Variants in RSAD2 observed in about 807,000 individuals in gnomAD.
RSAD2 encodes radical S-adenosyl methionine domain containing 2.
In RSAD2, 38 loss-of-function variants were observed where a neutral mutation model predicts 37.7. The ratio of observed to expected loss-of-function variants is 1.01; its 90% CI spans 0.78 to 1.32. The LOEUF (loss-of-function observed/expected upper bound fraction) is 1.32, where lower values mean the gene tolerates loss of function less well. Ranked by LOEUF, RSAD2 falls within the 40% of genes most tolerant of loss-of-function variation. The pLI is 0.00. For missense variants in RSAD2, 428 were observed against 437.5 expected (o/e 0.98, Z 0.19); for synonymous variants, 163 against 157.4 (o/e 1.04, Z -0.27).
chr2:6,868,146 C>T (rs776349436), intron 1 of RSAD2, among the ~76,000 whole-genome samples: 24 of 152,192 alleles, frequency 1.6e-4, no homozygotes, highest in Middle Eastern at 3.4e-3. Flanking sequence ...ATCTTCAACA[C>T]TTACAGTATT....
chr2:6,895,210 C>T (rs1189545817), intron 5 of RSAD2, among the ~76,000 whole-genome samples: 1 of 152,224 alleles, frequency 6.6e-6, no homozygotes, highest in Non-Finnish European at 1.5e-5. Flanking sequence ...TGATCTGGCA[C>T]CTGCCATGGA....
chr2:6,887,025 A>G lies in RSAD2; in HGVS notation c.599A>G (p.His200Arg). The change falls in exon 3 of 6, where the codon CAT becomes CGT. Residue 200 changes from histidine (H) to arginine (R), a missense_variant. Coordinates refer to ENST00000382040, the MANE Select transcript of RSAD2 (RefSeq NM_080657.5). Reference sequence around the variant, plus strand: ...GGCCGTGGCCAAGGAAAGAAGAACCATGTGGAAAACCTTCAAAAGCTGAGG... The same window carrying G: ...GGCCGTGGCCAAGGAAAGAAGAACCGTGTGGAAAACCTTCAAAAGCTGAGG... Reference protein sequence around the residue: ...LIGRGQGKKNHVENLQKLRRW... With the variant: ...LIGRGQGKKNRVENLQKLRRW... 6.2e-7 allele frequency: 1 copy of G among 1,614,220 alleles called. No individual in the cohort carries two copies. The highest frequency in any genetic ancestry group is 8.5e-7 in the Non-Finnish European group (1 of 1,180,010).
rs1009086714 is a variant in RSAD2, at chr2:6,896,174, T to G, written c.*232T>G. The G allele has an allele frequency of 1.2e-5, 5 of 426,514 alleles. No individual in the cohort carries two copies. The highest frequency in any genetic ancestry group is 2.1e-5 in the Non-Finnish European group (5 of 238,928). 26.4% of individuals were successfully genotyped at this position (426,514 alleles called of 1,614,324 possible). Reference sequence around the variant, plus strand: ...TCATTGGCTTATAACCTTGTTGTTATTGAAACAGCACTTCTGTTTTTGAGT... The same window carrying G: ...TCATTGGCTTATAACCTTGTTGTTAGTGAAACAGCACTTCTGTTTTTGAGT... On this transcript the variant is annotated 3_prime_UTR_variant, in exon 6 of 6. Coordinates refer to ENST00000382040, the MANE Select transcript of RSAD2 (RefSeq NM_080657.5).
At chr2:6,888,400 G>T (rs1663564771) in intron 3 of RSAD2, among the ~76,000 whole-genome samples, 1 of 152,172 alleles carries the variant, frequency 6.6e-6, no homozygotes, top group South Asian at 2.1e-4. Context: ...GCTAAAGAGA[G>T]AGGTCTGATA....
rs758608955 is a variant in RSAD2 at position 6,887,174 on chromosome 2, CA to C, written c.738+12del. ...CCCTGTCCGCTGGAAAGTAAGTACACAAGGTCGCTTTTGCTGATTTCCTTCA... is the reference window on the plus strand; with the variant it reads ...CCCTGTCCGCTGGAAAGTAAGTACACAGGTCGCTTTTGCTGATTTCCTTCA... On this transcript the variant is annotated intron_variant, in intron 3 of 5. Coordinates refer to ENST00000382040, the MANE Select transcript of RSAD2 (RefSeq NM_080657.5). 6.2e-7 allele frequency: 1 copy of C among 1,601,014 alleles called. No individual in the cohort carries two copies. Among genetic ancestry groups the C allele is most frequent in the Non-Finnish European group, 8.6e-7 (1 of 1,169,176 alleles).
chr2:6,891,933 A>G (rs976920842), intron 4 of RSAD2, among the ~76,000 whole-genome samples: 1 of 152,200 alleles, frequency 6.6e-6, no homozygotes, highest in Non-Finnish European at 1.5e-5. Context: ...CTGATAATAT[A>G]ATAGTAGGTA....
chr2:6,878,948 A>G (rs6704746), intron 1 of RSAD2: 778,096 of 799,482 alleles, frequency 0.97, 381,557 homozygotes, highest in East Asian at 1. Context: ...GATGAATTTC[A>G]CAAAGCAATC....
exon 1 of RSAD2, chr2:6,865,953 G>C (rs1182424822): frequency 8.0e-7 from 1 of 1,250,982 alleles, no homozygotes. Flanking sequence ...TGGCCCCGGG[G>C]CCCCAGGTGC....
At chr2:6,882,826 G>C (rs1357769656) in intron 1 of RSAD2, among the ~76,000 whole-genome samples, 1 of 152,216 alleles carries the variant, frequency 6.6e-6, no homozygotes, top group African/African-American at 2.4e-5. Context: ...GAGTGAAAAT[G>C]ACTTCACCTA....
chr2:6,897,255 CATT>C lies in RSAD2; in HGVS notation c.*1314_*1316del, dbSNP rs1322373872. 6.6e-6 allele frequency: 1 copy of C among 152,098 alleles called. No homozygotes were observed. Among genetic ancestry groups the C allele is most frequent in the East Asian group, 1.9e-4 (1 of 5,198 alleles). 9.4% of individuals were successfully genotyped at this position (152,098 alleles called of 1,614,324 possible). On this transcript the variant is annotated 3_prime_UTR_variant, in exon 6 of 6. Coordinates refer to ENST00000382040, the MANE Select transcript of RSAD2 (RefSeq NM_080657.5). ...TATTGCCTAAAAAAAAATTTCTTAT[CATT>C]GTTTCAAAAAAGCAAAATCATGGAA...
intron 3 of RSAD2, among the ~76,000 whole-genome samples, chr2:6,889,129 A>G (rs930481742): frequency 8.5e-5 from 13 of 152,152 alleles, no homozygotes; most frequent in African/African-American, 2.9e-4. Context: ...AAGTCCCTGG[A>G]AAAAAATGCC....
intron 4 of RSAD2, among the ~76,000 whole-genome samples, chr2:6,891,599 C>T (rs901024214): frequency 6.6e-6 from 1 of 152,056 alleles, no homozygotes; most frequent in African/African-American, 2.4e-5. Context: ...AACCCCATCT[C>T]TACTGAAAAT....
At chr2:6,879,103 A>C (rs921137366) in intron 1 of RSAD2, 5 of 455,854 alleles carry the variant, frequency 1.1e-5, no homozygotes, top group African/African-American at 1.0e-4. Flanking sequence ...ACTTTATATA[A>C]ATGAAATCAT....
intron 2 of RSAD2, among the ~76,000 whole-genome samples, chr2:6,884,743 G>T (rs16865704): frequency 0.036 from 5,494 of 152,262 alleles, 164 homozygotes; most frequent in South Asian, 0.1. Flanking sequence ...TGTGGAGAAC[G>T]GGAAGCATCG....
rs1663341714 is a variant in RSAD2 at position 6,878,870 on chromosome 2, T to A, written c.346+724T>A. ...CAACATCTCTAGCTTCTTTCCCTCC[T>A]TGTTTAACTTTTTAACAAAAGCATA... On this transcript the variant is annotated intron_variant, in intron 1 of 5. Transcript: ENST00000382040. 11 of 1,225,868 alleles carry A rather than the reference T, an allele frequency of 9.0e-6. No homozygotes were observed. The South Asian group carries it at 1.5e-4, about 16-fold the overall frequency. The allele number at this position is 1,225,868 out of a possible 1,614,324, so 75.9% of individuals were successfully genotyped here.
upstream of RSAD2, among the ~76,000 whole-genome samples, chr2:6,875,502 A>G (rs1037392102): frequency 1.3e-5 from 2 of 152,180 alleles, no homozygotes; most frequent in Admixed American, 6.5e-5. Context: ...GGGGTAGCCA[A>G]CCAACCTATG....
At chr2:6,876,888 C>T (rs1181958875), upstream of RSAD2, 1 of 152,194 alleles carries the variant, frequency 6.6e-6, no homozygotes, top group Admixed American at 6.5e-5. Context: ...AAGTCGCTTA[C>T]TCAGTCACCC....
In RSAD2 at chr2:6,897,534, G is replaced by A. The variant is rs191139433; in HGVS notation, c.*1592G>A. On this transcript the variant is annotated 3_prime_UTR_variant, in exon 6 of 6. Coordinates refer to ENST00000382040, the MANE Select transcript of RSAD2 (RefSeq NM_080657.5). ...TTTAAATATGTGTGTGTCTCATCCA[G>A]GATAGGATAGGTTGTCTTCTATTTT... is the stretch of plus-strand genomic sequence containing the variant. 1.5e-4 allele frequency: 23 copies of A among 152,240 alleles called. No individual in the cohort carries two copies. The East Asian group carries it at 3.7e-3, about 24-fold the overall frequency. 9.4% of individuals were successfully genotyped at this position (152,240 alleles called of 1,614,324 possible). A position where few individuals can be genotyped will look rare whatever the true frequency, so the allele number is the denominator to read the frequency against.
intron 2 of RSAD2, among the ~76,000 whole-genome samples, chr2:6,884,938 A>G (rs1485214457): frequency 6.6e-6 from 1 of 152,230 alleles, no homozygotes; most frequent in East Asian, 1.9e-4. Context: ...ATAGATGCCT[A>G]TCTGGCCCAT....
Sources: gnomAD v4.1 joint callset for allele counts (sites outside exome capture counted in the v4.1 genomes callset) on GRCh38, gnomAD v4.1.1 for gene constraint, MANE v1.5 for transcripts, NCBI Gene and HGNC (gene_info 2026-07-23, HGNC 2026-07-21) for gene names.